The following PARD3B variants were observed in gnomAD, a reference collection of about 807,000 sequenced individuals.
The protein encoded by PARD3B is partitioning defective 3 homolog B.
In PARD3B, 103 loss-of-function variants were observed where a neutral mutation model predicts 130.2. The ratio of observed to expected loss-of-function variants is 0.79; its 90% confidence interval spans 0.67 to 0.93. PARD3B has a LOEUF of 0.93. Among genes scored for constraint, PARD3B ranks in the 40% least tolerant of loss-of-function variants. PARD3B has a pLI of 0.00. For missense variants in PARD3B, 1,609 were observed against 1,499.2 expected (o/e 1.07, Z -1.21); for synonymous variants, 583 against 553.2 (o/e 1.05, Z -0.76).
intron 2 of PARD3B, among the ~76,000 whole-genome samples, chr2:204,727,381 G>A (rs1045311402): frequency 3.9e-5 from 6 of 152,172 alleles, no homozygotes; most frequent in African/African-American, 1.4e-4. Flanking sequence ...CTATATAGGA[G>A]ACTACATGTC....
intron 2 of PARD3B, among the ~76,000 whole-genome samples, chr2:204,698,432 A>G (rs1427686207): frequency 6.6e-6 from 1 of 152,092 alleles, no homozygotes; most frequent in African/African-American, 2.4e-5. Flanking sequence ...TGCATATTCC[A>G]GTTGTTTGGT....
At chr2:204,599,065 A>AAG (rs571731199) in intron 1 of PARD3B, among the ~76,000 whole-genome samples, 3 of 151,912 alleles carry the variant, frequency 2.0e-5, no homozygotes, top group South Asian at 4.1e-4. Context: ...TTGAAAAAAA[A>AAG]AAGACATTGT....
At chr2:204,717,267 T>C (rs1261973193) in intron 2 of PARD3B, among the ~76,000 whole-genome samples, 1 of 152,238 alleles carries the variant, frequency 6.6e-6, no homozygotes, top group African/African-American at 2.4e-5. Context: ...GAATTTTGGC[T>C]TAATATTAAA....
chr2:204,563,217 G>GTCTGTCTCTCTCTCTCTCTC (rs1553541986), intron 1 of PARD3B, among the ~76,000 whole-genome samples: 2 of 86,636 alleles, frequency 2.3e-5, no homozygotes, highest in African/African-American at 8.9e-5. Flanking sequence ...TCTTCCCGCT[G>GTCTGTCTCTCTCTCTCTCTC]TCTCTCTCTC....
intron 5 of PARD3B, 49 bp downstream of exon 5, chr2:205,104,563 T>G (rs952753845): frequency 4.8e-6 from 6 of 1,245,896 alleles, no homozygotes; most frequent in Admixed American, 3.5e-5. Context: ...CAATTTGATG[T>G]GTTTTTTAAT....
Position 205,415,525 on chromosome 2 carries a change from C to T in PARD3B, c.2741+14402C>T, listed in dbSNP as rs145737504. On this transcript the variant is annotated intron_variant, in intron 19 of 22. Transcript: ENST00000406610. ...ATATTCAATGTCTCAAGTGTGTATA[C>T]GACTTAAGGTAAAAATGGATGCCTA... Among the ~76,000 whole-genome samples, 294 of 152,208 alleles carry T rather than the reference C, an allele frequency of 1.9e-3. 2 individuals are homozygous for T. The highest frequency in any genetic ancestry group is 6.4e-3 in the African/African-American group (265 of 41,550).
intron 1 of PARD3B, among the ~76,000 whole-genome samples, chr2:204,611,856 A>G (rs915145277): frequency 6.6e-6 from 1 of 152,150 alleles, no homozygotes; most frequent in Non-Finnish European, 1.5e-5. Context: ...ATATCTATAT[A>G]TATGTGCAAG....
At position 204,943,035 on chromosome 2, in the gene PARD3B, AAAAAG is replaced by A. The variant is rs1295166081; in HGVS notation, c.223-22110_223-22106del. ...ATGTCCCCCTGAAAAATAAAAATTAAAAAAGAAAAGACAAGAAAGACTTTGTGTAA... is the reference window on the plus strand; with the variant it reads ...ATGTCCCCCTGAAAAATAAAAATTAAAAAAGACAAGAAAGACTTTGTGTAA... On this transcript the variant is annotated intron_variant, in intron 2 of 22. Coordinates refer to ENST00000406610, the MANE Select transcript of PARD3B (RefSeq NM_001302769.2). The surrounding 1 kb of genome is among the most constrained non-coding windows in gnomAD (Gnocchi z 4.2). Among the ~76,000 whole-genome samples, 1 of 151,066 alleles carries A rather than the reference AAAAAG, an allele frequency of 6.6e-6. No individual in the cohort carries two copies. Among genetic ancestry groups the A allele is most frequent in the East Asian group, 1.9e-4 (1 of 5,166 alleles).
At chr2:204,701,970 C>T (rs1459762198) in intron 2 of PARD3B, among the ~76,000 whole-genome samples, 3 of 152,106 alleles carry the variant, frequency 2.0e-5, no homozygotes, top group Non-Finnish European at 2.9e-5. Flanking sequence ...GTTTAGCTCC[C>T]ACTTACAAGT....
chr2:204,998,390 A>T (rs1213663812), intron 3 of PARD3B, among the ~76,000 whole-genome samples: 1 of 74,130 alleles, frequency 1.3e-5, no homozygotes, highest in African/African-American at 5.8e-5. Flanking sequence ...ATGTGTGTGT[A>T]TATATGTATA....
intron 15 of PARD3B, among the ~76,000 whole-genome samples, chr2:205,212,824 C>T (rs2037714264): frequency 6.6e-6 from 1 of 152,026 alleles, no homozygotes; most frequent in Non-Finnish European, 1.5e-5. Flanking sequence ...AAAGATCAAG[C>T]CCTAATATTT....
chr2:204,762,829 C>T (rs1203292053), intron 2 of PARD3B, among the ~76,000 whole-genome samples: 6 of 150,456 alleles, frequency 4.0e-5, no homozygotes, highest in Admixed American at 1.3e-4. Context: ...GGCACGATCT[C>T]GGCTCACCAC....
intron 19 of PARD3B, among the ~76,000 whole-genome samples, chr2:205,435,089 C>A (rs1422631385): frequency 1.3e-5 from 2 of 151,902 alleles, no homozygotes; most frequent in Non-Finnish European, 2.9e-5. Context: ...TTTTAATTAT[C>A]TTAAAAATAT....
chr2:205,388,069 A>G (rs546029660), intron 18 of PARD3B, among the ~76,000 whole-genome samples: 1 of 152,180 alleles, frequency 6.6e-6, no homozygotes, highest in Non-Finnish European at 1.5e-5. Context: ...CTTGATTGAG[A>G]GTCACCCACA....
At chr2:204,564,314 C>T (rs1195298864) in intron 1 of PARD3B, among the ~76,000 whole-genome samples, 1 of 152,100 alleles carries the variant, frequency 6.6e-6, no homozygotes, top group Non-Finnish European at 1.5e-5. Flanking sequence ...AGAGAGCCTG[C>T]AGTAGGCTGG....
chr2:205,138,212 T>C (rs944749847), intron 10 of PARD3B, among the ~76,000 whole-genome samples: 1 of 152,224 alleles, frequency 6.6e-6, no homozygotes, highest in Admixed American at 6.5e-5. Flanking sequence ...ATAATTCTTA[T>C]TCTTATTTTC....
chr2:204,965,922 G>A (rs1266374446), intron 3 of PARD3B, among the ~76,000 whole-genome samples: 1 of 152,094 alleles, frequency 6.6e-6, no homozygotes, highest in Non-Finnish European at 1.5e-5. Context: ...GTCTGTTTTG[G>A]TGATACCTCC....
intron 22 of PARD3B, among the ~76,000 whole-genome samples, chr2:205,598,537 C>CA (rs1306042253): frequency 6.6e-6 from 1 of 152,146 alleles, no homozygotes; most frequent in African/African-American, 2.4e-5. Context: ...ACACCCCACT[C>CA]ACAGCATTAG....
In PARD3B at chr2:204,597,379, C is replaced by A. The variant is rs185059737; in HGVS notation, c.120+51260C>A. Among the ~76,000 whole-genome samples the A allele has an allele frequency of 2.8e-3, 433 of 152,162 alleles. 2 individuals carry two copies. The highest frequency in any genetic ancestry group is 5.3e-3 in the Non-Finnish European group (359 of 68,008). On this transcript the variant is annotated intron_variant, in intron 1 of 22. Coordinates refer to ENST00000406610, the MANE Select transcript of PARD3B (RefSeq NM_001302769.2). ...AGGTGTGGATGCTTTGTGTTTACTG[C>A]TGAGAGTGCCCCTGAAAATGCTTTT...
Sources: gnomAD v4.1 joint callset for allele counts (sites outside exome capture counted in the v4.1 genomes callset) on GRCh38, gnomAD v4.1.1 for gene constraint, Gnocchi (gnomAD v3.1) non-coding constraint, MANE v1.5 for transcripts, NCBI Gene and HGNC (gene_info 2026-07-23, HGNC 2026-07-21) for gene names.